Variants in IMMP1L observed in about 807,000 individuals in gnomAD.
IMMP1L encodes mitochondrial inner membrane protease subunit 1.
In IMMP1L, 24 loss-of-function variants were observed where a neutral mutation model predicts 21.8. The ratio of observed to expected loss-of-function variants is 1.10; its 90% confidence interval spans 0.80 to 1.55. IMMP1L has a LOEUF of 1.55. IMMP1L is among the 40% of genes most tolerant of loss of function. The pLI, the probability that IMMP1L is intolerant of heterozygous loss-of-function variation, is 0.00. For missense variants in IMMP1L, 195 were observed against 200.7 expected (o/e 0.97, Z 0.17); for synonymous variants, 46 against 62.8 (o/e 0.73, Z 1.26).
At chr11:31,471,536 G>A (rs1332678590) in intron 1 of IMMP1L, among the ~76,000 whole-genome samples, 1 of 151,860 alleles carries the variant, frequency 6.6e-6, no homozygotes, top group African/African-American at 2.4e-5. Context: ...AAAAAAACAG[G>A]GCAATAGAGA....
intron 1 of IMMP1L, among the ~76,000 whole-genome samples, chr11:31,481,087 A>G (rs1218622822): frequency 3.3e-5 from 5 of 152,128 alleles, no homozygotes; most frequent in Admixed American, 6.6e-5. Flanking sequence ...GCCCTCCCAG[A>G]TGGGGGCTTG....
intron 1 of IMMP1L, among the ~76,000 whole-genome samples, chr11:31,497,822 A>C (rs1353532927): frequency 1.3e-5 from 2 of 152,152 alleles, no homozygotes; most frequent in African/African-American, 4.8e-5. Context: ...CATTGTAAGT[A>C]CTCTTAATGT....
intron 4 of IMMP1L, chr11:31,448,970 A>C (rs1469787573): frequency 1.0e-6 from 1 of 985,460 alleles, no homozygotes; most frequent in South Asian, 4.7e-5. Context: ...ACTTTAGCAA[A>C]AGAGTAAACA....
intron 3 of IMMP1L, 22 bp from the exon 4 acceptor site, chr11:31,456,408 AATGTCTGTATTATTTATT>A: frequency 6.2e-7 from 1 of 1,601,660 alleles, no homozygotes; most frequent in Admixed American, 1.7e-5. Flanking sequence ...AAGTCAAAGA[AATGTCTGTATTATTTATT>A]AAGCAAAAAC....
At chr11:31,485,970 C>T (rs1229257455) in intron 1 of IMMP1L, among the ~76,000 whole-genome samples, 1 of 151,472 alleles carries the variant, frequency 6.6e-6, no homozygotes, top group African/African-American at 2.4e-5. Context: ...CGGTTAAAAT[C>T]AGAATATACA....
chr11:31,466,242 CA>C (rs1490929382), intron 1 of IMMP1L, among the ~76,000 whole-genome samples: 2 of 151,692 alleles, frequency 1.3e-5, no homozygotes, highest in African/African-American at 4.8e-5. Context: ...TGATTATTAT[CA>C]AAAAAGACAA....
intron 4 of IMMP1L, among the ~76,000 whole-genome samples, chr11:31,440,332 G>C (rs1953279206): frequency 1.3e-5 from 2 of 152,316 alleles, no homozygotes; most frequent in South Asian, 4.1e-4. Context: ...AGGAGGGCAA[G>C]TTCATGACCA....
intron 1 of IMMP1L, among the ~76,000 whole-genome samples, chr11:31,497,046 TTA>T (rs202187225): frequency 6.7e-6 from 1 of 149,772 alleles, no homozygotes. Context: ...GTATTACATA[TTA>T]TATATATATA....
At chr11:31,508,309 CTA>C (rs1374768631) in intron 1 of IMMP1L, among the ~76,000 whole-genome samples, 1 of 152,102 alleles carries the variant, frequency 6.6e-6, no homozygotes, top group African/African-American at 2.4e-5. Context: ...ATGTTGTTTT[CTA>C]TGTGTTAATT....
intron 4 of IMMP1L, among the ~76,000 whole-genome samples, chr11:31,453,946 T>C (rs1953848902): frequency 6.6e-6 from 1 of 152,242 alleles, no homozygotes; most frequent in African/African-American, 2.4e-5. Flanking sequence ...CTATATGTGT[T>C]TCAATCCTAA....
Position 31,456,374 on chromosome 11 carries a change from C to G in IMMP1L, c.207G>C (p.Val69=). 6.2e-7 allele frequency: 1 copy of G among 1,611,300 alleles called. No homozygotes were observed. The highest frequency in any genetic ancestry group is 8.5e-7 in the Non-Finnish European group (1 of 1,178,156). Residue 69 remains valine (V), a synonymous_variant, in exon 4 of 6, where the codon GTG becomes GTC. Transcript: ENST00000532287. ...TTGGATCACTTGGGCTTTTTGCAAT[C>G]ACAATGTCACCTCTGAGGGGGAAAA... The part of the protein sequence containing the change: ...HFYGIQRGDI[V]IAKSPSDPKS...
At chr11:31,484,658 T>A (rs962328171) in intron 1 of IMMP1L, among the ~76,000 whole-genome samples, 2 of 151,886 alleles carry the variant, frequency 1.3e-5, no homozygotes, top group African/African-American at 2.4e-5. Flanking sequence ...ATGAGGTAAA[T>A]GCATTGGTCT....
intron 1 of IMMP1L, among the ~76,000 whole-genome samples, chr11:31,491,762 C>G (rs1439980989): frequency 6.6e-6 from 1 of 152,118 alleles, no homozygotes; most frequent in East Asian, 1.9e-4. Context: ...CTAATGGGTC[C>G]AAATCAACCT....
At chr11:31,438,857 A>G (rs1591941998) in intron 4 of IMMP1L, among the ~76,000 whole-genome samples, 2 of 152,196 alleles carry the variant, frequency 1.3e-5, no homozygotes, top group African/African-American at 2.4e-5. Flanking sequence ...TTCTTCAGGT[A>G]TAACTATCTT....
chr11:31,496,074 C>T (rs148095864), intron 1 of IMMP1L, among the ~76,000 whole-genome samples: 1,561 of 150,796 alleles, frequency 0.01, 10 homozygotes, highest in Middle Eastern at 0.021. Flanking sequence ...TTAAGGGTCA[C>T]GGTCCAGAAT....
chr11:31,435,836 C>A (rs1487409797), intron 4 of IMMP1L, among the ~76,000 whole-genome samples: 1 of 152,102 alleles, frequency 6.6e-6, no homozygotes, highest in Non-Finnish European at 1.5e-5. Context: ...AATTTTGAGT[C>A]TTTCTTAGAA....
chr11:31,483,978 G>T (rs1326719745), intron 1 of IMMP1L, among the ~76,000 whole-genome samples: 1 of 151,614 alleles, frequency 6.6e-6, no homozygotes, highest in African/African-American at 2.4e-5. Context: ...GATGCTTTAA[G>T]AGATAAGCTA....
intron 3 of IMMP1L, among the ~76,000 whole-genome samples, chr11:31,458,283 T>C (rs984143764): frequency 3.9e-5 from 6 of 152,074 alleles, no homozygotes; most frequent in African/African-American, 1.5e-4. Context: ...AAAGGAAGCT[T>C]ATTAAAAATT....
rs1952936814 is a variant in IMMP1L at position 31,432,432 on chromosome 11, G to A, written c.*68C>T. 10 of 1,066,236 alleles carry A rather than the reference G, an allele frequency of 9.4e-6. No homozygotes were observed. In the East Asian group the frequency reaches 9.5e-5, roughly 10 times the overall value. The allele number at this position is 1,066,236 out of a possible 1,614,324, so 66.0% of individuals were successfully genotyped here. A position where few individuals can be genotyped will look rare whatever the true frequency, so the allele number is the denominator to read the frequency against. ...GCAAATAGTTTATTGGTAAGTACAC[G>A]GTTTCAACGGGAGTAATAAATTCAC... On this transcript the variant is annotated 3_prime_UTR_variant, in exon 6 of 6. Coordinates refer to ENST00000532287, the MANE Select transcript of IMMP1L (RefSeq NM_001304274.2).
Sources: allele counts gnomAD v4.1 joint callset (sites outside exome capture counted in the v4.1 genomes callset), GRCh38; gene constraint gnomAD v4.1.1; transcripts MANE v1.5; gene names NCBI Gene and HGNC (gene_info 2026-07-23, HGNC 2026-07-21).